KALRN: variants seen among roughly 807,000 people sequenced by gnomAD.
KALRN encodes kalirin RhoGEF kinase.
Under a neutral mutation model 353.7 loss-of-function variants are expected in KALRN, and 70 were observed. That is an observed-to-expected ratio of 0.20 (90% CI 0.16 to 0.24). The LOEUF (loss-of-function observed/expected upper bound fraction) is 0.24, where lower values mean the gene tolerates loss of function less well. Among genes scored for constraint, KALRN ranks in the 10% least tolerant of loss-of-function variants. KALRN has a pLI of 1.00. For synonymous variants in KALRN, 1,391 were observed against 1,434.8 expected, an observed-to-expected ratio of 0.97 and a Z score of 0.69; for missense variants, 2,791 against 3,756.7, an observed-to-expected ratio of 0.74 and a Z score of 6.72.
chr3:124,592,705 T>C (rs73191633), intron 34 of KALRN, among the ~76,000 whole-genome samples: 11 of 152,180 alleles, frequency 7.2e-5, no homozygotes, highest in Non-Finnish European at 4.4e-5. Flanking sequence ...TCCCCCTCCC[T>C]TGTAGGTGAG....
At chr3:124,189,200 A>G (rs1446089767) in intron 1 of KALRN, among the ~76,000 whole-genome samples, 2 of 152,296 alleles carry the variant, frequency 1.3e-5, no homozygotes, top group Middle Eastern at 6.8e-3. Context: ...AACATTTAAC[A>G]TCTAAGGTCT....
intron 6 of KALRN, among the ~76,000 whole-genome samples, chr3:124,300,398 G>A (rs2077172706): frequency 6.6e-6 from 1 of 152,208 alleles, no homozygotes; most frequent in Non-Finnish European, 1.5e-5. Context: ...GCTTGTAGGA[G>A]CTCTGCTTAT....
chr3:124,697,000 G>A (rs1476563708), intron 54 of KALRN, among the ~76,000 whole-genome samples: 1 of 152,106 alleles, frequency 6.6e-6, no homozygotes, highest in Non-Finnish European at 1.5e-5. Context: ...ACTCACTGCA[G>A]CCTCAACCTC....
rs184548586 is a variant in KALRN at position 124,111,186 on chromosome 3, A to G, written c.73+77373A>G. Among the ~76,000 whole-genome samples the G allele has an allele frequency of 1.2e-4, 19 of 152,298 alleles. 1 individual carries two copies. In the East Asian group the frequency reaches 3.3e-3, roughly 26 times the overall value. On this transcript the variant is annotated intron_variant, in intron 1 of 59. Transcript: ENST00000682506. ...AAGAAAAGACCATCTTAGAACCCCAATACCTTACATCTTTCCATTCTACCA... is the reference window on the plus strand; with the variant it reads ...AAGAAAAGACCATCTTAGAACCCCAGTACCTTACATCTTTCCATTCTACCA...
intron 34 of KALRN, among the ~76,000 whole-genome samples, chr3:124,627,996 G>A (rs944762008): frequency 2.6e-5 from 4 of 152,106 alleles, no homozygotes; most frequent in African/African-American, 9.7e-5. Context: ...TCCAAGTTAT[G>A]CACAAAACTC....
At chr3:124,210,749 T>A (rs1332984362) in intron 1 of KALRN, among the ~76,000 whole-genome samples, 2 of 152,202 alleles carry the variant, frequency 1.3e-5, no homozygotes, top group Non-Finnish European at 2.9e-5. Context: ...GCTCTGTAGA[T>A]GCCTGGGCCC....
In KALRN at chr3:124,084,327, A is replaced by G. The variant is rs527707955; in HGVS notation, c.73+50514A>G. ...GTGCAGCCCCTCCCTGTGACAGGTCATGGTGGCTGGGCCTTGGCCTCTGCC... is the reference window on the plus strand; with the variant it reads ...GTGCAGCCCCTCCCTGTGACAGGTCGTGGTGGCTGGGCCTTGGCCTCTGCC... On this transcript the variant is annotated intron_variant, in intron 1 of 59. Coordinates refer to ENST00000682506, the MANE Select transcript of KALRN (RefSeq NM_001388419.1). Among the ~76,000 whole-genome samples the G allele has an allele frequency of 4.3e-3, 655 of 152,338 alleles. 4 individuals are homozygous for G. The highest frequency in any genetic ancestry group is 7.0e-3 in the Non-Finnish European group (478 of 68,040).
chr3:124,479,281 T>C (rs2061723820), intron 27 of KALRN, among the ~76,000 whole-genome samples: 1 of 152,222 alleles, frequency 6.6e-6, no homozygotes, highest in African/African-American at 2.4e-5. Context: ...CCTAGTGAGC[T>C]TCTACATTAG....
chr3:124,332,354 A>C (rs930854357), intron 8 of KALRN, among the ~76,000 whole-genome samples: 2 of 152,082 alleles, frequency 1.3e-5, no homozygotes, highest in African/African-American at 4.8e-5. Flanking sequence ...TCATCATCAG[A>C]GGTGTGGAGA....
intron 10 of KALRN, among the ~76,000 whole-genome samples, chr3:124,370,959 T>C (rs943354152): frequency 6.6e-6 from 1 of 152,228 alleles, no homozygotes; most frequent in African/African-American, 2.4e-5. Context: ...CACTCCTTCT[T>C]AAAATGAGTT....
Position 124,580,823 on chromosome 3 carries a change from G to C in KALRN, c.5182+17734G>C, listed in dbSNP as rs542421417. Reference sequence around the variant, plus strand: ...TCCCCATGTTGTTTGAGATTTCCTTGATGGCCAGGTGTGGTGGCTCACACC... The same window carrying C: ...TCCCCATGTTGTTTGAGATTTCCTTCATGGCCAGGTGTGGTGGCTCACACC... On this transcript the variant is annotated intron_variant, in intron 34 of 59. Coordinates refer to ENST00000682506, the MANE Select transcript of KALRN (RefSeq NM_001388419.1). Among the ~76,000 whole-genome samples the C allele has an allele frequency of 6.6e-5, 10 of 152,130 alleles. No homozygotes were observed. In the South Asian group the frequency reaches 2.1e-3, roughly 32 times the overall value.
At chr3:124,034,464 C>A (rs1469327160) in intron 1 of KALRN, among the ~76,000 whole-genome samples, 1 of 152,154 alleles carries the variant, frequency 6.6e-6, no homozygotes. Context: ...AGGAGCTATT[C>A]ATAAGAATTA....
chr3:124,209,003 AT>A (rs1454043293), intron 1 of KALRN, among the ~76,000 whole-genome samples: 14 of 151,976 alleles, frequency 9.2e-5, no homozygotes, highest in Non-Finnish European at 1.6e-4. Context: ...CATCATCATC[AT>A]AACCAATAGT....
chr3:124,471,966 CAA>C lies in KALRN; in HGVS notation c.4032-2680_4032-2679del, dbSNP rs34537933. Among the ~76,000 whole-genome samples, 11 of 110,826 alleles carry C rather than the reference CAA, an allele frequency of 9.9e-5. 3 individuals carry two copies. The highest frequency in any genetic ancestry group is 2.6e-4 in the Admixed American group (3 of 11,616). 72.7% of individuals were successfully genotyped at this position (110,826 alleles called of 152,430 possible). ...TGAGTGACAGAGTGAGACTCCGTCT[CAA>C]AAAAAAAAAAAAAAAACAACCTTCA... On this transcript the variant is annotated intron_variant, in intron 25 of 59. Transcript: ENST00000682506.
At chr3:124,478,274 T>A (rs2061615978) in intron 27 of KALRN, among the ~76,000 whole-genome samples, 1 of 152,206 alleles carries the variant, frequency 6.6e-6, no homozygotes, top group Non-Finnish European at 1.5e-5. Flanking sequence ...TCTGTCTATA[T>A]GCCTACCTGT....
chr3:124,633,119 C>G (rs1346360741), intron 35 of KALRN, among the ~76,000 whole-genome samples: 3 of 152,270 alleles, frequency 2.0e-5, no homozygotes, highest in Non-Finnish European at 4.4e-5. Context: ...TGCCACACAT[C>G]AAAAGGAATA....
chr3:124,674,554 G>C lies in KALRN; in HGVS notation c.7133G>C (p.Gly2378Ala), dbSNP rs1239183045. The C allele has an allele frequency of 1.9e-6, 3 of 1,612,246 alleles. No individual in the cohort carries two copies. The highest frequency in any genetic ancestry group is 1.3e-5 in the African/African-American group (1 of 74,914). Reference protein sequence around the residue: ...HSPAAEGWVPGSILAPLTKAT... With the variant: ...HSPAAEGWVPASILAPLTKAT... ...CCCGCCGCCGAGGGCTGGGTCCCAG[G>C]CAGCATCCTGGCGCCCCTCACCAAA... is the stretch of plus-strand genomic sequence containing the variant. Residue 2378 changes from glycine to alanine, a missense_variant, in exon 49 of 60, where the codon GGC becomes GCC. Gly to Ala is a moderately conservative substitution (Grantham distance 60). Transcript: ENST00000682506.
At chr3:124,572,223 G>C (rs1338769505) in intron 34 of KALRN, among the ~76,000 whole-genome samples, 1 of 151,656 alleles carries the variant, frequency 6.6e-6, no homozygotes, top group Non-Finnish European at 1.5e-5. Context: ...GCTGGGGGTG[G>C]AGGTGGGGGA....
intron 1 of KALRN, among the ~76,000 whole-genome samples, chr3:124,200,199 G>A (rs545159940): frequency 2.6e-5 from 4 of 152,292 alleles, no homozygotes; most frequent in South Asian, 4.1e-4. Flanking sequence ...CTAGTAAGCC[G>A]TGGAATATTT....
Sources: allele counts gnomAD v4.1 joint callset (sites outside exome capture counted in the v4.1 genomes callset), GRCh38; gene constraint gnomAD v4.1.1; transcripts MANE v1.5; gene names NCBI Gene and HGNC (gene_info 2026-07-23, HGNC 2026-07-21).